The following MBNL1 variants were observed in gnomAD, a reference collection of about 807,000 sequenced individuals.
MBNL1 encodes muscleblind-like protein 1.
Under a neutral mutation model 42.2 loss-of-function variants are expected in MBNL1, and 8 were observed. The observed-to-expected ratio is 0.19, with a 90% CI of 0.11 to 0.34. MBNL1 has a LOEUF of 0.34. Ranked by LOEUF, MBNL1 falls within the 10% of genes least tolerant of loss-of-function variation. The pLI is 1.00. For synonymous variants in MBNL1, 169 were observed against 173.9 expected, an observed-to-expected ratio of 0.97 and a Z score of 0.22; for missense variants, 309 against 495.3, an observed-to-expected ratio of 0.62 and a Z score of 3.57.
intron 3 of MBNL1, among the ~76,000 whole-genome samples, chr3:152,418,705 C>CTTAACAA (rs1239508204): frequency 2.1e-5 from 3 of 143,358 alleles, no homozygotes; most frequent in Non-Finnish European, 4.5e-5. Flanking sequence ...CCTACAAGGT[C>CTTAACAA]TTAACAATCT....
intron 2 of MBNL1, among the ~76,000 whole-genome samples, chr3:152,408,667 G>T (rs1163886870): frequency 6.6e-6 from 1 of 151,684 alleles, no homozygotes; most frequent in Non-Finnish European, 1.5e-5. Context: ...CTGGTATTTT[G>T]TTATGATATC....
chr3:152,308,823 T>TG (rs1450162650), intron 2 of MBNL1, among the ~76,000 whole-genome samples: 10 of 152,148 alleles, frequency 6.6e-5, no homozygotes, highest in African/African-American at 2.4e-4. Context: ...TGTTTTGTTT[T>TG]TTTTTTTGGC....
chr3:152,305,941 T>C (rs1404894468), intron 2 of MBNL1, among the ~76,000 whole-genome samples: 1 of 152,222 alleles, frequency 6.6e-6, no homozygotes, highest in Non-Finnish European at 1.5e-5. Flanking sequence ...TAAAGTTTGA[T>C]TTTTTTGCTA....
chr3:152,322,204 G>A (rs958350964), intron 2 of MBNL1, among the ~76,000 whole-genome samples: 7 of 151,930 alleles, frequency 4.6e-5, no homozygotes, highest in Non-Finnish European at 7.4e-5. Flanking sequence ...TTATAAGGCC[G>A]TGCCTTAGTC....
At chr3:152,304,503 G>GT (rs1321145244) in intron 2 of MBNL1, among the ~76,000 whole-genome samples, 1 of 152,142 alleles carries the variant, frequency 6.6e-6, no homozygotes, top group Non-Finnish European at 1.5e-5. Context: ...TTACCAGGAA[G>GT]TTTTTTTGTG....
Position 152,420,220 on chromosome 3 carries a change from T to G in MBNL1, c.345+5109T>G, listed in dbSNP as rs149793096. ...AATGTTTATTTCTGCCTGCCAGCTC[T>G]GAAGAGAGCAGCAGATCTCCCACCT... On this transcript the variant is annotated intron_variant, in intron 3 of 9. Transcript: ENST00000324210. Among the ~76,000 whole-genome samples, 4 of 152,212 alleles carry G rather than the reference T, an allele frequency of 2.6e-5. No individual in the cohort carries two copies. In the South Asian group the frequency reaches 6.2e-4, roughly 24 times the overall value.
intron 4 of MBNL1, among the ~76,000 whole-genome samples, chr3:152,440,482 G>A (rs887629088): frequency 3.9e-5 from 6 of 152,158 alleles, no homozygotes; most frequent in Non-Finnish European, 7.4e-5. Flanking sequence ...ACCATCAGAT[G>A]TCATGAGACT....
chr3:152,390,708 A>G (rs2097681534), intron 2 of MBNL1, among the ~76,000 whole-genome samples: 2 of 152,020 alleles, frequency 1.3e-5, no homozygotes, highest in Non-Finnish European at 2.9e-5. Context: ...TGAAAATGAA[A>G]TGCCATACCT....
chr3:152,384,326 A>T (rs1267843342), intron 2 of MBNL1, among the ~76,000 whole-genome samples: 2 of 152,120 alleles, frequency 1.3e-5, no homozygotes, highest in African/African-American at 4.8e-5. Flanking sequence ...CATATAAAAT[A>T]ACCCTTTATC....
intron 3 of MBNL1, among the ~76,000 whole-genome samples, chr3:152,415,926 T>A (rs2098694061): frequency 6.6e-6 from 1 of 152,234 alleles, no homozygotes; most frequent in African/African-American, 2.4e-5. Flanking sequence ...TTGAAAAAGG[T>A]GCTTTGACGT....
At chr3:152,402,183 C>G (rs570363181) in intron 2 of MBNL1, among the ~76,000 whole-genome samples, 2 of 152,130 alleles carry the variant, frequency 1.3e-5, no homozygotes, top group Admixed American at 1.3e-4. Context: ...GAGAAATTGA[C>G]CTGAGTGATG....
intron 1 of MBNL1, among the ~76,000 whole-genome samples, chr3:152,279,572 T>A (rs1345798497): frequency 6.7e-6 from 1 of 149,182 alleles, no homozygotes; most frequent in Non-Finnish European, 1.5e-5. Context: ...GACAAATGCT[T>A]ATACTCTGTT....
chr3:152,336,847 G>A (rs367954191), intron 2 of MBNL1, among the ~76,000 whole-genome samples: 410 of 152,216 alleles, frequency 2.7e-3, no homozygotes, highest in African/African-American at 9.5e-3. Flanking sequence ...TACTATTTTA[G>A]TTACCTTAGA....
rs1177852583 is a variant in MBNL1, at chr3:152,459,293, A to T, written c.1115A>T (p.His372Leu). The change falls in exon 9 of 10, where the codon CAT becomes CTT. Residue 372 changes from histidine to leucine, a missense_variant. Transcript: ENST00000324210. ...ANQIPIISAE[H>L]LTSHKYVTQM ...TAGATACCCATAATATCTGCCGAAC[A>T]TCTGACTAGCCACAAGTATGTTACC... The T allele has an allele frequency of 6.3e-7, 1 of 1,585,510 alleles. No individual in the cohort carries two copies.
At chr3:152,333,001 C>T (rs937628837) in intron 2 of MBNL1, among the ~76,000 whole-genome samples, 2 of 152,192 alleles carry the variant, frequency 1.3e-5, no homozygotes, top group South Asian at 2.1e-4. Context: ...TAATCAAGGC[C>T]GTACCTTCCT....
chr3:152,432,952 T>C, intron 4 of MBNL1, 32 bp downstream of exon 4: 1 of 1,550,410 alleles, frequency 6.4e-7, no homozygotes, highest in Non-Finnish European at 8.9e-7. Flanking sequence ...CTTTATATAC[T>C]ACATTCTAAT....
intron 2 of MBNL1, among the ~76,000 whole-genome samples, chr3:152,370,778 G>A (rs1289349859): frequency 1.3e-5 from 2 of 150,972 alleles, no homozygotes; most frequent in South Asian, 4.2e-4. Context: ...TTTTGATCTT[G>A]GTTGGTTTAA....
At chr3:152,438,387 A>G (rs1474808633) in intron 4 of MBNL1, among the ~76,000 whole-genome samples, 1 of 152,250 alleles carries the variant, frequency 6.6e-6, no homozygotes. Context: ...TTACTCAGGT[A>G]ATTAAACACA....
chr3:152,334,611 T>G (rs1409009036), intron 2 of MBNL1, among the ~76,000 whole-genome samples: 1 of 152,212 alleles, frequency 6.6e-6, no homozygotes, highest in Non-Finnish European at 1.5e-5. Context: ...TCAGTAAAAT[T>G]GTTTCTGTGC....
Sources: allele counts gnomAD v4.1 joint callset (sites outside exome capture counted in the v4.1 genomes callset), GRCh38; gene constraint gnomAD v4.1.1; transcripts MANE v1.5; gene names NCBI Gene and HGNC (gene_info 2026-07-23, HGNC 2026-07-21).